The following TDRKH variants were observed in gnomAD, a reference collection of about 807,000 sequenced individuals.
The protein encoded by TDRKH is tudor and KH domain containing, also known as tudor and KH domain-containing protein.
In TDRKH, 28 loss-of-function variants were observed where a neutral mutation model predicts 61.3. The observed-to-expected ratio is 0.46, with a 90% CI of 0.34 to 0.63. The LOEUF (loss-of-function observed/expected upper bound fraction) is 0.63. Among genes scored for constraint, TDRKH ranks in the 20% least tolerant of loss-of-function variants. The pLI, the probability that TDRKH is intolerant of heterozygous loss-of-function variation, is 0.01. For synonymous variants in TDRKH, 219 were observed against 244.4 expected (o/e 0.90, Z 0.97); for missense variants, 540 against 683.4 (o/e 0.79, Z 2.34).
Position 151,777,184 on chromosome 1 carries a change from C to T in TDRKH, c.884-585G>A, listed in dbSNP as rs564735835. Among the ~76,000 whole-genome samples the T allele has an allele frequency of 3.3e-5, 5 of 152,338 alleles. No individual in the cohort carries two copies. The East Asian group carries it at 5.8e-4, about 18-fold the overall frequency. On this transcript the variant is annotated intron_variant, in intron 6 of 12. Transcript: ENST00000368824. ...TCTAGGCTGGGCATGGTGGCTCATG[C>T]CTGTAATCCCAGCACTTTGGGAGGC...
chr1:151,770,974 A>G, downstream of TDRKH: 1 of 1,478,276 alleles, frequency 6.8e-7, no homozygotes, highest in South Asian at 1.4e-5. Context: ...CCTGCACTAC[A>G]CTGCTTCCCA....
Position 151,774,752 on chromosome 1 carries a change from A to G in TDRKH, c.1591T>C (p.Ser531Pro). 1.9e-6 allele frequency: 3 copies of G among 1,614,130 alleles called. No individual in the cohort carries two copies. Among genetic ancestry groups the G allele is most frequent in the Non-Finnish European group, 1.7e-6 (2 of 1,180,004 alleles). Residue 531 changes from serine (S) to proline (P), a missense_variant, in exon 12 of 13, where the codon TCT becomes CCT. Around this residue, in one of 3 missense-constraint regions of TDRKH, gnomAD observed 379 missense variants for 443.8 expected, o/e 0.85. Transcript: ENST00000368824. ...STLLTETKKSSGEITHTLSCL... is the reference protein window; with the variant it reads ...STLLTETKKSPGEITHTLSCL... ...GACAGGGTATGTGTTATCTCTCCAG[A>G]GCTCTTTTTGGTCTCAGTGAGCAAC...
At chr1:151,772,926 C>G (rs1219778491), downstream of TDRKH, among the ~76,000 whole-genome samples, 2 of 152,182 alleles carry the variant, frequency 1.3e-5, no homozygotes, top group Non-Finnish European at 2.9e-5. Context: ...TGTGGTGGTG[C>G]AATCTGGGTT....
intron 3 of TDRKH, 136 bp downstream of exon 3, chr1:151,781,345 T>TATATATATATA (rs1361582666): frequency 6.8e-6 from 1 of 146,064 alleles, no homozygotes; most frequent in Non-Finnish European, 1.5e-5. Flanking sequence ...ATATATATAT[T>TATATATATATA]TTATATATAC....
downstream of TDRKH, chr1:151,768,056 A>C (rs953382888): frequency 3.8e-5 from 61 of 1,613,804 alleles, no homozygotes; most frequent in Non-Finnish European, 5.1e-5. Flanking sequence ...CTCCTTTTCC[A>C]GGCTGGGAAC....
At chr1:151,782,096 T>A (rs1649872483) in intron 2 of TDRKH, 1 of 421,730 alleles carries the variant, frequency 2.4e-6, no homozygotes, top group South Asian at 1.7e-5. Flanking sequence ...TTGATGTTGC[T>A]GAAGAAAGCA....
At chr1:151,768,872 A>G (rs1335031024), downstream of TDRKH, among the ~76,000 whole-genome samples, 1 of 152,150 alleles carries the variant, frequency 6.6e-6, no homozygotes, top group Non-Finnish European at 1.5e-5. Context: ...ATGACTCTTA[A>G]CGAGCATGCT....
Position 151,776,474 on chromosome 1 carries a change from C to G in TDRKH, c.1009G>C (p.Val337Leu). The G allele has an allele frequency of 6.2e-7, 1 of 1,614,208 alleles. No homozygotes were observed. Residue 337 changes from valine (V) to leucine (L), a missense_variant, in exon 7 of 13, where the codon GTC becomes CTC. By Grantham distance (32) the Val-to-Leu change is conservative (BLOSUM62 1). Coordinates refer to ENST00000368824, the MANE Select transcript of TDRKH (RefSeq NM_001083965.2). ...GSRSLQLDKL[V>L]NEMTQHYENS... ...TCATAGTGCTGGGTCATCTCATTGACAAGCTTATCCAATTGCAGGCTGCGG... is the reference window on the plus strand; with the variant it reads ...TCATAGTGCTGGGTCATCTCATTGAGAAGCTTATCCAATTGCAGGCTGCGG...
At chr1:151,787,820 A>T (rs914473037) in intron 1 of TDRKH, among the ~76,000 whole-genome samples, 1 of 149,408 alleles carries the variant, frequency 6.7e-6, no homozygotes, top group Non-Finnish European at 1.5e-5. Context: ...AAAAAAAAAA[A>T]AAAAAAAAAA....
intron 7 of TDRKH, 81 bp from the exon 8 acceptor site, chr1:151,776,349 A>C: frequency 6.3e-7 from 1 of 1,594,420 alleles, no homozygotes; most frequent in East Asian, 2.2e-5. Flanking sequence ...AAGAAAGAAA[A>C]GTAGTTGCTC....
At chr1:151,779,834 C>CT in intron 4 of TDRKH, 117 bp downstream of exon 4, 5 of 1,118,632 alleles carry the variant, frequency 4.5e-6, no homozygotes, top group Non-Finnish European at 5.0e-6. Context: ...CTCAATGTCC[C>CT]TTTTTTTCCC....
At chr1:151,778,591 G>T in intron 6 of TDRKH, 94 bp downstream of exon 6, 2 of 1,587,074 alleles carry the variant, frequency 1.3e-6, no homozygotes, top group Non-Finnish European at 8.6e-7. Context: ...TATACTGGCT[G>T]CTCAGACTGA....
chr1:151,781,317 CAAAAAA>C (rs58169893), intron 3 of TDRKH, among the ~76,000 whole-genome samples, 158 bp downstream of exon 3: 10 of 64,738 alleles, frequency 1.5e-4, no homozygotes, highest in African/African-American at 3.5e-4. Flanking sequence ...AACTCCATCT[CAAAAAA>C]AAAAAATATA....
chr1:151,788,405 C>A (rs1650553753), intron 1 of TDRKH, among the ~76,000 whole-genome samples: 1 of 152,192 alleles, frequency 6.6e-6, no homozygotes, highest in African/African-American at 2.4e-5. Flanking sequence ...CAAGGAAGAT[C>A]TTGACAGGCA....
At chr1:151,782,736 C>T (rs562010480) in intron 2 of TDRKH, 163 bp downstream of exon 2, 15 of 826,680 alleles carry the variant, frequency 1.8e-5, no homozygotes, top group Admixed American at 7.2e-5. Flanking sequence ...TGCCACTGTA[C>T]GCCAGGCTAG....
At chr1:151,784,004 CAT>C (rs767884903) in intron 1 of TDRKH, among the ~76,000 whole-genome samples, 6 of 152,242 alleles carry the variant, frequency 3.9e-5, no homozygotes, top group Non-Finnish European at 7.3e-5. Flanking sequence ...CCTTATTCCA[CAT>C]AGTTTCTCAG....
At chr1:151,771,797 T>A, downstream of TDRKH, 1 of 396,152 alleles carries the variant, frequency 2.5e-6, no homozygotes, top group South Asian at 1.4e-4. Flanking sequence ...AAAGGCATAT[T>A]AAAGAAAAAG....
intron 10 of TDRKH, 68 bp from the exon 11 acceptor site, chr1:151,775,234 CAGA>C (rs1035612410): frequency 3.2e-6 from 5 of 1,577,896 alleles, no homozygotes; most frequent in Non-Finnish European, 4.4e-6. Context: ...GGAAACAAGG[CAGA>C]AGGACTGATA....
downstream of TDRKH, chr1:151,766,592 A>T (rs1177367214): frequency 1.0e-6 from 1 of 973,348 alleles, no homozygotes; most frequent in Non-Finnish European, 1.5e-6. Flanking sequence ...TGGAGTCCTG[A>T]GGTGACATAA....
Sources: gnomAD v4.1 joint callset for allele counts (sites outside exome capture counted in the v4.1 genomes callset) on GRCh38, gnomAD v4.1.1 for gene constraint, gnomAD v4.1.1 regional missense constraint, MANE v1.5 for transcripts, NCBI Gene and HGNC (gene_info 2026-07-23, HGNC 2026-07-21) for gene names.